Variants in GRM7 observed in about 807,000 individuals in gnomAD.
GRM7 encodes the protein glutamate metabotropic receptor 7, also known as metabotropic glutamate receptor 7.
A neutral mutation model predicts 84.5 loss-of-function variants in GRM7; 35 were observed. The ratio of observed to expected loss-of-function variants is 0.41; its 90% confidence interval spans 0.32 to 0.55. The LOEUF (loss-of-function observed/expected upper bound fraction) is 0.55. GRM7 is among the 20% of genes least tolerant of loss of function. The pLI is 0.19. For missense variants in GRM7, 1,003 were observed against 1,194.6 expected (o/e 0.84, Z 2.36); for synonymous variants, 487 against 455.1 (o/e 1.07, Z -0.89).
Position 7,144,494 on chromosome 3 carries a change from T to A in GRM7, c.520-1958T>A, listed in dbSNP as rs963481887. On this transcript the variant is annotated intron_variant, in intron 1 of 9. Transcript: ENST00000357716. ...TATTGCCATAGGACAGTGTGGAGAA[T>A]GTTCGTGATGACGTGCAGCAGAGGA... Among the ~76,000 whole-genome samples the A allele has an allele frequency of 2.0e-5, 3 of 152,272 alleles. 1 individual carries two copies. Among genetic ancestry groups the A allele is most frequent in the Admixed American group, 2.0e-4 (3 of 15,282 alleles).
At chr3:7,252,292 T>C (rs1397466837) in intron 2 of GRM7, among the ~76,000 whole-genome samples, 2 of 152,110 alleles carry the variant, frequency 1.3e-5, no homozygotes, top group Non-Finnish European at 2.9e-5. Context: ...GGAGGAAAAG[T>C]TTTATTTTCC....
chr3:7,617,795 C>A (rs1373937421), intron 8 of GRM7, among the ~76,000 whole-genome samples: 1 of 152,072 alleles, frequency 6.6e-6, no homozygotes, highest in Non-Finnish European at 1.5e-5. Context: ...GTCTCTCCAA[C>A]AAACTATTCC....
Position 7,572,871 on chromosome 3 carries a change from TATATATATAA to T in GRM7, c.1516-5547_1516-5538del, listed in dbSNP as rs1477552268. 1.1e-3 allele frequency among the ~76,000 whole-genome samples: 67 copies of T among 58,922 alleles called. 8 individuals are homozygous for T. The highest frequency in any genetic ancestry group is 3.3e-3 in the African/African-American group (56 of 16,978). 38.7% of individuals were successfully genotyped at this position (58,922 alleles called of 152,430 possible). A position where few individuals can be genotyped will look rare whatever the true frequency, so the allele number is the denominator to read the frequency against. ...ATATATATATATATATATATATATA[TATATATATAA>T]ATAATCTTTCTACCTATAATAATTC... On this transcript the variant is annotated intron_variant, in intron 7 of 9. Transcript: ENST00000357716.
At chr3:7,618,944 C>G (rs1163365137) in intron 8 of GRM7, among the ~76,000 whole-genome samples, 2 of 152,070 alleles carry the variant, frequency 1.3e-5, no homozygotes, top group African/African-American at 4.8e-5. Context: ...GTGCCTATCA[C>G]CAGAGGTTCG....
rs193036166 is a variant in GRM7 at position 7,063,161 on chromosome 3, G to T, written c.520-83291G>T. Among the ~76,000 whole-genome samples the T allele has an allele frequency of 1.3e-3, 201 of 151,810 alleles. 1 individual carries two copies. The highest frequency in any genetic ancestry group is 4.4e-3 in the African/African-American group (183 of 41,482). ...GTTAAAGATACTCCCTGATGCATGG[G>T]TATGGGTCTTGTGACACAGCCCTCT... On this transcript the variant is annotated intron_variant, in intron 1 of 9. Coordinates refer to ENST00000357716, the MANE Select transcript of GRM7 (RefSeq NM_000844.4).
intron 2 of GRM7, among the ~76,000 whole-genome samples, chr3:7,248,293 A>G (rs535013906): frequency 1.6e-4 from 24 of 152,304 alleles, no homozygotes; most frequent in Admixed American, 4.6e-4. Context: ...AGTAGAAAGG[A>G]ATGAACTACT....
At chr3:7,410,563 C>T (rs947987243) in intron 4 of GRM7, among the ~76,000 whole-genome samples, 5 of 148,210 alleles carry the variant, frequency 3.4e-5, no homozygotes, top group African/African-American at 1.3e-4. Context: ...CAGAGAAAGA[C>T]CCTGTCTCAA....
intron 2 of GRM7, among the ~76,000 whole-genome samples, chr3:7,200,684 A>G (rs1559498924): frequency 6.6e-6 from 1 of 152,164 alleles, no homozygotes; most frequent in Non-Finnish European, 1.5e-5. Context: ...CCTATTTCCA[A>G]TAAGTTCCCC....
intron 2 of GRM7, among the ~76,000 whole-genome samples, chr3:7,226,342 C>A: frequency 6.6e-6 from 1 of 152,066 alleles, no homozygotes; most frequent in African/African-American, 2.4e-5. Context: ...AGGTTGCTGG[C>A]AAAATTTATT....
chr3:6,910,082 A>C (rs1348482060), intron 1 of GRM7, among the ~76,000 whole-genome samples: 1 of 152,106 alleles, frequency 6.6e-6, no homozygotes, highest in East Asian at 1.9e-4. Context: ...GAAGGAAAAA[A>C]ATCAAGAGGT....
intron 1 of GRM7, among the ~76,000 whole-genome samples, chr3:6,924,571 A>G (rs1428258474): frequency 6.6e-6 from 1 of 152,294 alleles, no homozygotes; most frequent in African/African-American, 2.4e-5. Context: ...ACATATGTTA[A>G]GATATTGTGG....
intron 8 of GRM7, among the ~76,000 whole-genome samples, chr3:7,659,777 G>A (rs1357895016): frequency 6.6e-6 from 1 of 152,162 alleles, no homozygotes; most frequent in Non-Finnish European, 1.5e-5. Context: ...AACACGGTAA[G>A]ATGTTTTAAA....
At chr3:7,138,036 A>C (rs62237662) in intron 1 of GRM7, among the ~76,000 whole-genome samples, 1 of 152,048 alleles carries the variant, frequency 6.6e-6, no homozygotes, top group Admixed American at 6.6e-5. Flanking sequence ...ATGTAGTGGT[A>C]GAAGTAAAAA....
In GRM7 at chr3:7,459,114, A is replaced by C. The variant is rs547010274; in HGVS notation, c.1376-2469A>C. On this transcript the variant is annotated intron_variant, in intron 6 of 9. Coordinates refer to ENST00000357716, the MANE Select transcript of GRM7 (RefSeq NM_000844.4). The stretch of plus-strand genomic sequence containing the variant: ...GATAAAGTGGGTGCCTTTGTGGTCT[A>C]TGGGGGTAGTGTCTAGGTAAAAGAC... 5.9e-5 allele frequency among the ~76,000 whole-genome samples: 9 copies of C among 152,250 alleles called. No individual in the cohort carries two copies. The South Asian group carries it at 1.7e-3, about 28-fold the overall frequency.
chr3:6,938,921 AG>A (rs1697789064), intron 1 of GRM7, among the ~76,000 whole-genome samples: 2 of 152,342 alleles, frequency 1.3e-5, no homozygotes, highest in South Asian at 4.1e-4. Context: ...ATGCCTGTTA[AG>A]GCACTTGCTG....
intron 1 of GRM7, chr3:6,892,494 C>G (rs1696001035): frequency 6.6e-6 from 1 of 152,136 alleles, no homozygotes; most frequent in African/African-American, 2.4e-5. Context: ...TATCTGGCTC[C>G]TGTTGCTTGC....
chr3:6,986,682 C>T (rs951461426), intron 1 of GRM7, among the ~76,000 whole-genome samples: 4 of 152,186 alleles, frequency 2.6e-5, no homozygotes, highest in African/African-American at 9.7e-5. Flanking sequence ...TAGCTAACTT[C>T]GGCCTGATCA....
intron 1 of GRM7, among the ~76,000 whole-genome samples, chr3:7,100,475 T>G (rs1699071352): frequency 6.6e-6 from 1 of 151,786 alleles, no homozygotes; most frequent in African/African-American, 2.4e-5. Flanking sequence ...TGGATAGTTT[T>G]TCATAGGCAA....
chr3:7,459,450 G>A (rs1391596622), intron 6 of GRM7, among the ~76,000 whole-genome samples: 2 of 152,066 alleles, frequency 1.3e-5, no homozygotes, highest in Non-Finnish European at 2.9e-5. Flanking sequence ...ATAAAGACTT[G>A]CCTAATACTG....
Sources: allele counts gnomAD v4.1 joint callset (sites outside exome capture counted in the v4.1 genomes callset), GRCh38; gene constraint gnomAD v4.1.1; transcripts MANE v1.5; gene names NCBI Gene and HGNC (gene_info 2026-07-23, HGNC 2026-07-21).